The following TAFA2 variants were observed in gnomAD, a reference collection of about 807,000 sequenced individuals.
TAFA2 encodes TAFA chemokine like family member 2, also known as chemokine-like protein TAFA-2.
A neutral mutation model predicts 18.8 loss-of-function variants in TAFA2; 7 were observed. The observed-to-expected ratio is 0.37, with a 90% confidence interval of 0.21 to 0.70. The LOEUF is 0.70. Ranked by LOEUF, TAFA2 falls within the 30% of genes least tolerant of loss-of-function variation. The pLI is 0.53. For missense variants in TAFA2, 122 were observed against 158.1 expected (o/e 0.77, Z 1.23); for synonymous variants, 60 against 54.2 (o/e 1.11, Z -0.47).
At chr12:62,021,620 T>C (rs893094183) in intron 1 of TAFA2, 6 of 1,110,420 alleles carry the variant, frequency 5.4e-6, no homozygotes, top group Non-Finnish European at 8.3e-6. Context: ...TTCCCACCCT[T>C]CTGTTCTGAG....
In TAFA2 at chr12:62,006,205, G is replaced by C. The variant is rs552004177; in HGVS notation, c.-1-138779C>G. ...TTTGTTTTGTAAACCAAGCACATGA[G>C]ATTTGAAAGTTTATCAGTGGTTTGT... On this transcript the variant is annotated intron_variant, in intron 1 of 4. Transcript: ENST00000416284. Among the ~76,000 whole-genome samples the C allele has an allele frequency of 1.4e-4, 21 of 152,242 alleles. No homozygotes were observed. The South Asian group carries it at 4.1e-3, about 30-fold the overall frequency.
At chr12:61,716,582 A>T (rs910559729) in intron 4 of TAFA2, among the ~76,000 whole-genome samples, 1 of 152,018 alleles carries the variant, frequency 6.6e-6, no homozygotes, top group Non-Finnish European at 1.5e-5. Context: ...AGCTTAATTT[A>T]AAAAAAATTC....
chr12:62,123,127 T>A (rs757408762), intron 1 of TAFA2, among the ~76,000 whole-genome samples: 1 of 152,170 alleles, frequency 6.6e-6, no homozygotes, highest in African/African-American at 2.4e-5. Context: ...TTTTACCAAA[T>A]ACGCTTATAT....
Position 61,773,373 on chromosome 12 carries a change from A to T in TAFA2, c.107-18349T>A, listed in dbSNP as rs1870114388. ...AAAAACAATCCTAAAATTCATGTAG[A>T]ACCAAAAAAGGGCCCACACAGCCAA... is the stretch of plus-strand genomic sequence containing the variant. On this transcript the variant is annotated intron_variant, in intron 2 of 4. Coordinates refer to ENST00000416284, the MANE Select transcript of TAFA2 (RefSeq NM_178539.5). 3.9e-5 allele frequency among the ~76,000 whole-genome samples: 6 copies of T among 152,030 alleles called. No homozygotes were observed. The South Asian group carries it at 1.2e-3, about 31-fold the overall frequency.
intron 4 of TAFA2, among the ~76,000 whole-genome samples, chr12:61,739,169 T>G (rs1412971099): frequency 6.6e-6 from 1 of 152,080 alleles, no homozygotes; most frequent in Non-Finnish European, 1.5e-5. Context: ...GACCACCAGC[T>G]AATACATGGC....
intron 1 of TAFA2, among the ~76,000 whole-genome samples, chr12:62,058,204 G>T (rs1328018327): frequency 6.6e-6 from 1 of 152,096 alleles, no homozygotes; most frequent in African/African-American, 2.4e-5. Flanking sequence ...CTGTGGAGCT[G>T]ATTATAAGAT....
intron 1 of TAFA2, among the ~76,000 whole-genome samples, chr12:61,908,179 G>T (rs970848186): frequency 6.6e-6 from 1 of 152,008 alleles, no homozygotes; most frequent in Non-Finnish European, 1.5e-5. Flanking sequence ...GGGCCAGGGT[G>T]AAATGATATG....
intron 1 of TAFA2, among the ~76,000 whole-genome samples, chr12:61,957,508 GAAC>G (rs1878737928): frequency 6.6e-6 from 1 of 152,018 alleles, no homozygotes; most frequent in African/African-American, 2.4e-5. Flanking sequence ...GGGGGATGAG[GAAC>G]TTGGTTAGAT....
At chr12:62,178,579 T>C (rs138053089) in intron 1 of TAFA2, among the ~76,000 whole-genome samples, 1 of 152,272 alleles carries the variant, frequency 6.6e-6, no homozygotes, top group East Asian at 1.9e-4. Context: ...GAGGAGTTTA[T>C]TATTCATCAT....
intron 1 of TAFA2, among the ~76,000 whole-genome samples, chr12:61,921,702 A>T (rs957051937): frequency 6.6e-6 from 1 of 152,222 alleles, no homozygotes; most frequent in African/African-American, 2.4e-5. Flanking sequence ...AGGAATTGAA[A>T]ATAATCTGAA....
intron 1 of TAFA2, among the ~76,000 whole-genome samples, chr12:61,930,581 T>C (rs926359411): frequency 6.6e-6 from 1 of 152,216 alleles, no homozygotes; most frequent in Non-Finnish European, 1.5e-5. Context: ...AGCTGCTAGA[T>C]TCAAAGCTGC....
chr12:61,910,678 T>G (rs1035773122), intron 1 of TAFA2, among the ~76,000 whole-genome samples: 2 of 152,160 alleles, frequency 1.3e-5, no homozygotes, highest in Non-Finnish European at 2.9e-5. Context: ...TCAAAATAAC[T>G]AAGGAGGAGC....
intron 1 of TAFA2, among the ~76,000 whole-genome samples, chr12:61,891,089 A>T (rs967381636): frequency 2.6e-5 from 4 of 152,236 alleles, no homozygotes; most frequent in African/African-American, 9.6e-5. Flanking sequence ...GAAGTAACAT[A>T]GTCCTTCCAT....
chr12:62,085,464 TA>T (rs1475777214), intron 1 of TAFA2, among the ~76,000 whole-genome samples: 1 of 152,132 alleles, frequency 6.6e-6, no homozygotes, highest in Middle Eastern at 3.2e-3. Context: ...CAATATTAAT[TA>T]AATTAATTAA....
At chr12:61,777,865 T>C (rs1388888847) in intron 2 of TAFA2, among the ~76,000 whole-genome samples, 1 of 151,850 alleles carries the variant, frequency 6.6e-6, no homozygotes, top group Non-Finnish European at 1.5e-5. Flanking sequence ...TTTTAACCCC[T>C]GTGGAGAGGT....
chr12:62,257,528 G>T (rs2062946704), intron 1 of TAFA2, among the ~76,000 whole-genome samples: 1 of 152,246 alleles, frequency 6.6e-6, no homozygotes, highest in South Asian at 2.1e-4. Flanking sequence ...AATTACTAGA[G>T]GGTAAAGGAA....
chr12:62,206,155 C>T (rs2062690747), intron 1 of TAFA2, among the ~76,000 whole-genome samples: 1 of 152,172 alleles, frequency 6.6e-6, no homozygotes. Context: ...CCAGCTGTTT[C>T]TAGTCAGCCA....
In TAFA2 at chr12:62,218,291, C is replaced by G. The variant is rs545822522; in HGVS notation, c.-130+40472G>C. Among the ~76,000 whole-genome samples the G allele has an allele frequency of 5.3e-5, 8 of 152,212 alleles. No individual in the cohort carries two copies. In the South Asian group the frequency reaches 8.3e-4, roughly 16 times the overall value. Reference sequence around the variant, plus strand: ...GGATTACAGGAGTGAGCCACTGCACCTGGCCTGAATTTTAATTTGTAAAGA... The same window carrying G: ...GGATTACAGGAGTGAGCCACTGCACGTGGCCTGAATTTTAATTTGTAAAGA... On this transcript the variant is annotated intron_variant, in intron 1 of 5. Coordinates refer to the TAFA2 transcript ENST00000551619.
At chr12:62,105,906 T>C (rs759148136) in intron 1 of TAFA2, among the ~76,000 whole-genome samples, 16 of 152,226 alleles carry the variant, frequency 1.1e-4, no homozygotes, top group Admixed American at 6.5e-4. Flanking sequence ...CTGCTGCCAT[T>C]AGCAGATCAC....
Sources: allele counts gnomAD v4.1 joint callset (sites outside exome capture counted in the v4.1 genomes callset), GRCh38; gene constraint gnomAD v4.1.1; transcripts MANE v1.5; gene names NCBI Gene and HGNC (gene_info 2026-07-23, HGNC 2026-07-21).